Variants in CACNA2D4 observed in about 807,000 individuals in gnomAD.
CACNA2D4 encodes voltage-dependent calcium channel subunit alpha-2/delta-4.
In CACNA2D4, 157 loss-of-function variants were observed where a neutral mutation model predicts 163.8. The observed-to-expected ratio is 0.96, with a 90% confidence interval of 0.84 to 1.09. The LOEUF is 1.09. Among genes scored for constraint, CACNA2D4 ranks in the 50% least tolerant of loss-of-function variants. The pLI is 0.00. For synonymous variants in CACNA2D4, 598 were observed against 586.9 expected (o/e 1.02, Z -0.27); for missense variants, 1,410 against 1,479.9 (o/e 0.95, Z 0.78).
At chr12:1,849,213 T>A (rs1865221087) in intron 23 of CACNA2D4, among the ~76,000 whole-genome samples, 1 of 152,222 alleles carries the variant, frequency 6.6e-6, no homozygotes, top group South Asian at 2.1e-4. Flanking sequence ...ATCCTTTTAA[T>A]TTCTTTAAGA....
Position 1,828,421 on chromosome 12 carries a change from G to A in CACNA2D4, c.2551+12318C>T, listed in dbSNP as rs1864458760. Among the ~76,000 whole-genome samples, 1 of 152,232 alleles carries A rather than the reference G, an allele frequency of 6.6e-6. No homozygotes were observed. Among genetic ancestry groups the A allele is most frequent in the African/African-American group, 2.4e-5 (1 of 41,458 alleles). The stretch of plus-strand genomic sequence containing the variant: ...CCCTGCCAGTCAGAGTCACCGCTGA[G>A]TGCTGAGTGGTTAGACCTGGAGCTG... On this transcript the variant is annotated intron_variant, in intron 26 of 37. Transcript: ENST00000382722. This position sits in a 1 kb window ranked among gnomAD's most constrained non-coding sequence, Gnocchi z 4.2.
In CACNA2D4 at chr12:1,799,680, T is replaced by C; in HGVS notation, c.2990A>G (p.His997Arg). 2 of 1,571,912 alleles carry C rather than the reference T, an allele frequency of 1.3e-6. No homozygotes were observed. The highest frequency in any genetic ancestry group is 1.2e-5 in the South Asian group (1 of 85,190). ...GCCTCAGCTGGGCTACTTACAGTGA[T>C]GGAAGACACTTTTGGCTGGCCGGAA... ...DRGAEAKSVF[H>R]HSHKHKKQDP... The change falls in exon 34 of 38, where the codon CAT becomes CGT. Residue 997 changes from histidine (H) to arginine (R), a missense_variant. Coordinates refer to ENST00000382722, the MANE Select transcript of CACNA2D4 (RefSeq NM_172364.5). The surrounding 1 kb of genome is among the most constrained non-coding windows in gnomAD (Gnocchi z 4.7).
chr12:1,817,846 C>T (rs1176950775), intron 26 of CACNA2D4, among the ~76,000 whole-genome samples: 4 of 152,136 alleles, frequency 2.6e-5, no homozygotes, highest in Non-Finnish European at 5.9e-5. Context: ...ACCTCCACCT[C>T]CCAGCCGCCT....
intron 18 of CACNA2D4, among the ~76,000 whole-genome samples, chr12:1,872,275 C>T (rs372623314): frequency 2.6e-5 from 4 of 152,172 alleles, no homozygotes; most frequent in African/African-American, 7.2e-5. Context: ...GTCTGCTTCT[C>T]TTACTCGTGT....
Position 1,846,708 on chromosome 12 carries a change from G to A in CACNA2D4, c.2247-19C>T, listed in dbSNP as rs771852179. 59 of 1,573,684 alleles carry A rather than the reference G, an allele frequency of 3.7e-5. No homozygotes were observed. In the Middle Eastern group the frequency reaches 5.0e-4, roughly 13 times the overall value. ...AGACTCCCTGTGTGGCAGACAGAGCGGGAATGGTCACCACATGGCTGTGGC... is the reference window on the plus strand; with the variant it reads ...AGACTCCCTGTGTGGCAGACAGAGCAGGAATGGTCACCACATGGCTGTGGC... On this transcript the variant is annotated intron_variant, in intron 23 of 37. Coordinates refer to ENST00000382722, the MANE Select transcript of CACNA2D4 (RefSeq NM_172364.5).
chr12:1,846,391 C>T (rs531111118), intron 24 of CACNA2D4, among the ~76,000 whole-genome samples: 26 of 150,954 alleles, frequency 1.7e-4, no homozygotes, highest in African/African-American at 5.9e-4. Context: ...CTGTCAATCC[C>T]GATCCGTAAG....
chr12:1,902,290 T>C (rs1484693393), intron 6 of CACNA2D4, among the ~76,000 whole-genome samples: 2 of 152,104 alleles, frequency 1.3e-5, no homozygotes, highest in African/African-American at 2.4e-5. Context: ...GCCTTTCCTC[T>C]AAGATCTGGA....
At chr12:1,840,912 A>T (rs1865008521) in intron 25 of CACNA2D4, 93 bp from the exon 26 acceptor site, 10 of 1,071,920 alleles carry the variant, frequency 9.3e-6, no homozygotes, top group Non-Finnish European at 5.8e-6. Flanking sequence ...ATGGGAATAA[A>T]AGCAGGCGAA....
intron 23 of CACNA2D4, among the ~76,000 whole-genome samples, chr12:1,848,835 T>C (rs1865212550): frequency 6.6e-6 from 1 of 152,118 alleles, no homozygotes. Flanking sequence ...CTTGAACTCC[T>C]GGGCTCAAAC....
chr12:1,885,166 G>T (rs1022126916), intron 9 of CACNA2D4, 90 bp from the exon 10 acceptor site: 8 of 1,041,678 alleles, frequency 7.7e-6, no homozygotes, highest in Non-Finnish European at 1.2e-5. Context: ...GGCTGTTTAG[G>T]GCCATCCAGA....
chr12:1,918,550 T>C lies in CACNA2D4; in HGVS notation c.-77A>G. The C allele has an allele frequency of 1.4e-5, 16 of 1,139,954 alleles. No homozygotes were observed. The highest frequency in any genetic ancestry group is 8.5e-5 in the South Asian group (6 of 70,792). The allele number at this position is 1,139,954 out of a possible 1,614,324, so 70.6% of individuals were successfully genotyped here. Reference sequence around the variant, plus strand: ...TCCGTGCCTTGGCGAGCCTGGGGTCTCCAGCCTCTCAGTCCTGGGTGGGGA... The same window carrying C: ...TCCGTGCCTTGGCGAGCCTGGGGTCCCCAGCCTCTCAGTCCTGGGTGGGGA... On this transcript the variant is annotated 5_prime_UTR_variant, in exon 1 of 38. Transcript: ENST00000382722.
At chr12:1,809,487 T>G in intron 29 of CACNA2D4, 1 of 700,784 alleles carries the variant, frequency 1.4e-6, no homozygotes. Context: ...GCTTCTGCCT[T>G]GCTTCAAGGA....
At position 1,843,855 on chromosome 12, in the gene CACNA2D4, C is replaced by T. The variant is rs902836980; in HGVS notation, c.2470+547G>A. ...CATACCCCACCCTCCCCACCACCTG[C>T]CTGGCACAGCCTCTCTCTTGAGCTG... On this transcript the variant is annotated intron_variant, in intron 25 of 37. Coordinates refer to ENST00000382722, the MANE Select transcript of CACNA2D4 (RefSeq NM_172364.5). The surrounding 1 kb of genome is among the most constrained non-coding windows in gnomAD (Gnocchi z 4.6). 9.2e-5 allele frequency among the ~76,000 whole-genome samples: 14 copies of T among 152,156 alleles called. No individual in the cohort carries two copies. Among genetic ancestry groups the T allele is most frequent in the African/African-American group, 3.4e-4 (14 of 41,426 alleles).
chr12:1,878,694 A>G lies in CACNA2D4; in HGVS notation c.1644+262T>C, dbSNP rs1437964531. Among the ~76,000 whole-genome samples the G allele has an allele frequency of 6.6e-6, 1 of 152,198 alleles. No homozygotes were observed. The highest frequency in any genetic ancestry group is 1.5e-5 in the Non-Finnish European group (1 of 68,030). On this transcript the variant is annotated intron_variant, in intron 15 of 37. Coordinates refer to ENST00000382722, the MANE Select transcript of CACNA2D4 (RefSeq NM_172364.5). The surrounding 1 kb of genome is among the most constrained non-coding windows in gnomAD (Gnocchi z 4.6). ...CTTACAGCAGGACTGTGTGGCACGG[A>G]GGAGCAGACTGAGAAACTGAGACAC...
rs1353658528 is a variant in CACNA2D4 at position 1,883,645 on chromosome 12, C to G, written c.1351+598G>C. 6.6e-6 allele frequency among the ~76,000 whole-genome samples: 1 copy of G among 152,220 alleles called. No individual in the cohort carries two copies. The highest frequency in any genetic ancestry group is 2.4e-5 in the African/African-American group (1 of 41,460). On this transcript the variant is annotated intron_variant, in intron 12 of 37. Coordinates refer to ENST00000382722, the MANE Select transcript of CACNA2D4 (RefSeq NM_172364.5). This position sits in a 1 kb window ranked among gnomAD's most constrained non-coding sequence, Gnocchi z 4.5. ...AGACCCTTTCAGCACACTGTTCCCT[C>G]TGTCTGGAACACCCTTCCAGTCGCC...
At position 1,908,046 on chromosome 12, in the gene CACNA2D4, G is replaced by A. The variant is rs2154452271; in HGVS notation, c.487-9C>T. Reference sequence around the variant, plus strand: ...GAGTTGTAATAGTCGAACTGGGGTGGACGGGTGAGGCCCACGGAGGCGGCC... The same window carrying A: ...GAGTTGTAATAGTCGAACTGGGGTGAACGGGTGAGGCCCACGGAGGCGGCC... On this transcript the variant is annotated splice_polypyrimidine_tract_variant and intron_variant, in intron 4 of 37. Coordinates refer to ENST00000382722, the MANE Select transcript of CACNA2D4 (RefSeq NM_172364.5). 1 of 1,607,250 alleles carries A rather than the reference G, an allele frequency of 6.2e-7. No individual in the cohort carries two copies. The highest frequency in any genetic ancestry group is 8.5e-7 in the Non-Finnish European group (1 of 1,175,108).
At chr12:1,873,597 T>C (rs1865827434) in intron 18 of CACNA2D4, among the ~76,000 whole-genome samples, 1 of 152,238 alleles carries the variant, frequency 6.6e-6, no homozygotes, top group Non-Finnish European at 1.5e-5. Context: ...AGTTCAGTGC[T>C]GTGGCCGTGC....
chr12:1,912,851 G>A lies in CACNA2D4; in HGVS notation c.426+172C>T, dbSNP rs575305362. 4.6e-5 allele frequency among the ~76,000 whole-genome samples: 7 copies of A among 152,210 alleles called. No homozygotes were observed. The East Asian group carries it at 1.4e-3, about 30-fold the overall frequency. On this transcript the variant is annotated intron_variant, in intron 3 of 37. Transcript: ENST00000382722. Reference sequence around the variant, plus strand: ...TTCCTGTCATTTCCTCTTTCACAGGGATTCTTGGAGTGAGGGTTCTTTTGG... The same window carrying A: ...TTCCTGTCATTTCCTCTTTCACAGGAATTCTTGGAGTGAGGGTTCTTTTGG...
intron 25 of CACNA2D4, among the ~76,000 whole-genome samples, chr12:1,841,324 C>G (rs568655685): frequency 6.6e-6 from 1 of 152,352 alleles, no homozygotes; most frequent in South Asian, 2.1e-4. Context: ...GGACCCTCCA[C>G]TGCACAACCG....
Sources: gnomAD v4.1 joint callset for allele counts (sites outside exome capture counted in the v4.1 genomes callset) on GRCh38, gnomAD v4.1.1 for gene constraint, Gnocchi (gnomAD v3.1) non-coding constraint, MANE v1.5 for transcripts, NCBI Gene and HGNC (gene_info 2026-07-23, HGNC 2026-07-21) for gene names.